The following ABCG2 variants were observed in gnomAD, a reference collection of about 807,000 sequenced individuals.
ABCG2 encodes the protein broad substrate specificity ATP-binding cassette transporter ABCG2.
Under a neutral mutation model 73.5 loss-of-function variants are expected in ABCG2, and 80 were observed. The observed-to-expected ratio is 1.09, with a 90% confidence interval of 0.91 to 1.31. The LOEUF (loss-of-function observed/expected upper bound fraction) is 1.31, where lower values mean the gene tolerates loss of function less well. Among genes scored for constraint, ABCG2 ranks in the 50% most tolerant of loss-of-function variants. The pLI, the probability that ABCG2 is intolerant of heterozygous loss-of-function variation, is 0.00. For missense variants in ABCG2, 796 were observed against 786.2 expected (o/e 1.01, Z -0.15); for synonymous variants, 269 against 282.4 (o/e 0.95, Z 0.48).
chr4:88,145,121 A>G (rs1433763737), intron 1 of ABCG2, among the ~76,000 whole-genome samples: 1 of 152,140 alleles, frequency 6.6e-6, no homozygotes. Context: ...TGACGCTAGT[A>G]TATGGAGTTG....
chr4:88,205,987 T>G (rs1357098660), intron 1 of ABCG2, among the ~76,000 whole-genome samples: 1 of 152,058 alleles, frequency 6.6e-6, no homozygotes, highest in East Asian at 1.9e-4. Context: ...AGCCACCATT[T>G]ATCATTTTAT....
chr4:88,129,915 T>G (rs1002846147), intron 5 of ABCG2, among the ~76,000 whole-genome samples: 1 of 152,148 alleles, frequency 6.6e-6, no homozygotes, highest in African/African-American at 2.4e-5. Flanking sequence ...TTTGTCTCTC[T>G]TGCCCACAAT....
At position 88,140,142 on chromosome 4, in the gene ABCG2, T is replaced by C. The variant is rs538371622; in HGVS notation, c.-19-128A>G. 2.2e-5 allele frequency: 17 copies of C among 760,884 alleles called. No individual in the cohort carries two copies. In the East Asian group the frequency reaches 3.2e-4, roughly 14 times the overall value. 47.1% of individuals were successfully genotyped at this position (760,884 alleles called of 1,614,324 possible). A position where few individuals can be genotyped will look rare whatever the true frequency, so the allele number is the denominator to read the frequency against. On this transcript the variant is annotated intron_variant, in intron 1 of 15. Transcript: ENST00000237612. ...AATGAGCAGCTTCATTTCCAATGAA[T>C]GGCCCATACCATTGTGATAAGAACA...
chr4:88,136,493 C>T (rs1269969052), intron 2 of ABCG2, among the ~76,000 whole-genome samples: 1 of 152,086 alleles, frequency 6.6e-6, no homozygotes, highest in Non-Finnish European at 1.5e-5. Flanking sequence ...AACACTTGAG[C>T]CCAGGAGTTT....
At chr4:88,174,761 T>G (rs141093520) in intron 1 of ABCG2, among the ~76,000 whole-genome samples, 6,128 of 152,334 alleles carry the variant, frequency 0.04, 217 homozygotes, top group South Asian at 0.1. Context: ...TTTTGGCTTT[T>G]GTTGCAATTG....
chr4:88,122,546 G>A (rs1334495848), intron 5 of ABCG2, among the ~76,000 whole-genome samples: 1 of 152,178 alleles, frequency 6.6e-6, no homozygotes, highest in African/African-American at 2.4e-5. Flanking sequence ...AAAGCCTCTG[G>A]GAAATTCGAA....
At chr4:88,140,930 A>T (rs914832836) in intron 1 of ABCG2, among the ~76,000 whole-genome samples, 1 of 152,230 alleles carries the variant, frequency 6.6e-6, no homozygotes, top group Non-Finnish European at 1.5e-5. Context: ...TTTAAAACAA[A>T]AAAGAATATT....
At chr4:88,214,125 C>T (rs183512765) in intron 1 of ABCG2, among the ~76,000 whole-genome samples, 7 of 150,514 alleles carry the variant, frequency 4.7e-5, no homozygotes, top group Admixed American at 2.7e-4. Flanking sequence ...GTAAGTGGGA[C>T]TACAGGCGCA....
Position 88,131,924 on chromosome 4 carries a change from G to C in ABCG2, c.264-7C>G. 1 of 1,605,686 alleles carries C rather than the reference G, an allele frequency of 6.2e-7. No homozygotes were observed. The highest frequency in any genetic ancestry group is 8.5e-7 in the Non-Finnish European group (1 of 1,172,666). The stretch of plus-strand genomic sequence containing the variant: ...AGCTAAGACATCTAATAACCTATAA[G>C]AGGACATATATGTTGTGGGTCTAAT... On this transcript the variant is annotated splice_region_variant and splice_polypyrimidine_tract_variant and intron_variant, in intron 3 of 15. Coordinates refer to ENST00000237612, the MANE Select transcript of ABCG2 (RefSeq NM_004827.3).
At chr4:88,173,168 G>T (rs753695640) in intron 1 of ABCG2, among the ~76,000 whole-genome samples, 3 of 152,072 alleles carry the variant, frequency 2.0e-5, no homozygotes, top group Non-Finnish European at 4.4e-5. Context: ...TGTTATTATG[G>T]AAATTTTGAA....
intron 1 of ABCG2, among the ~76,000 whole-genome samples, chr4:88,201,989 T>C (rs1729180056): frequency 6.6e-6 from 1 of 152,008 alleles, no homozygotes; most frequent in Admixed American, 6.6e-5. Context: ...TTAATTGGTA[T>C]GAGTGTGGCA....
At position 88,133,153 on chromosome 4, in the gene ABCG2, G is replaced by A. The variant is rs45514593; in HGVS notation, c.204-518C>T. On this transcript the variant is annotated intron_variant, in intron 2 of 15. Transcript: ENST00000237612. ...CACAGTGTGAAACGAAATACATGGC[G>A]TGTTCTGAGTACTGTTTGATGATCA... 1.6e-3 allele frequency among the ~76,000 whole-genome samples: 247 copies of A among 152,258 alleles called. 1 individual carries two copies. The highest frequency in any genetic ancestry group is 1.9e-3 in the Non-Finnish European group (131 of 68,030).
At chr4:88,206,187 G>A (rs13149967) in intron 1 of ABCG2, among the ~76,000 whole-genome samples, 19,088 of 152,080 alleles carry the variant, frequency 0.13, 1,565 homozygotes, top group Middle Eastern at 0.31. Flanking sequence ...GGCCAGGCGC[G>A]GTGTCCTGTA....
chr4:88,164,544 T>C (rs927106878), intron 1 of ABCG2, among the ~76,000 whole-genome samples: 1 of 152,166 alleles, frequency 6.6e-6, no homozygotes, highest in Non-Finnish European at 1.5e-5. Flanking sequence ...CCTGCCGCCA[T>C]GTGAAGAAGG....
intron 10 of ABCG2, among the ~76,000 whole-genome samples, chr4:88,104,044 A>T (rs1458089755): frequency 6.6e-6 from 1 of 152,238 alleles, no homozygotes; most frequent in Non-Finnish European, 1.5e-5. Context: ...CTGATTTCAC[A>T]TCTTTGGGGT....
At position 88,131,078 on chromosome 4, in the gene ABCG2, T is replaced by G; in HGVS notation, c.514A>C (p.Lys172Gln). The G allele has an allele frequency of 6.2e-7, 1 of 1,614,036 alleles. No individual in the cohort carries two copies. The highest frequency in any genetic ancestry group is 8.5e-7 in the Non-Finnish European group (1 of 1,179,974). The change falls in exon 5 of 16, where the codon AAA becomes CAA. Residue 172 changes from lysine to glutamine, a missense_variant. Coordinates refer to ENST00000237612, the MANE Select transcript of ABCG2 (RefSeq NM_004827.3). The stretch of plus-strand genomic sequence containing the variant: ...CACATTACCTTGGAGTCTGCCACTT[T>G]ATCCAGACCTAACTCTTGAATGACC... ...NRVIQELGLD[K>Q]VADSKVGTQF...
In ABCG2 at chr4:88,113,669, AAAG is replaced by A. The variant is rs1723306242; in HGVS notation, c.944-119_944-117del. On this transcript the variant is annotated intron_variant, in intron 8 of 15. Coordinates refer to ENST00000237612, the MANE Select transcript of ABCG2 (RefSeq NM_004827.3). ...TAACACCTTCATTCTAAAGCTTTAG[AAAG>A]AAAAAATAGGCCAGGCACGGCGGCT... The A allele has an allele frequency of 2.2e-6, 3 of 1,385,918 alleles. No homozygotes were observed. In the South Asian group the frequency reaches 4.3e-5, roughly 20 times the overall value. The allele number at this position is 1,385,918 out of a possible 1,614,324, so 85.9% of individuals were successfully genotyped here.
intron 1 of ABCG2, among the ~76,000 whole-genome samples, chr4:88,226,128 T>C (rs1730202690): frequency 6.6e-6 from 1 of 152,226 alleles, no homozygotes; most frequent in African/African-American, 2.4e-5. Flanking sequence ...TCTGGGACTA[T>C]TGCAACAGTC....
chr4:88,205,903 G>A (rs1051008160), intron 1 of ABCG2, among the ~76,000 whole-genome samples: 3 of 152,064 alleles, frequency 2.0e-5, no homozygotes, highest in South Asian at 2.1e-4. Flanking sequence ...GGATGGTCTC[G>A]ATCTCTTGAC....
Sources: gnomAD v4.1 joint callset for allele counts (sites outside exome capture counted in the v4.1 genomes callset) on GRCh38, gnomAD v4.1.1 for gene constraint, MANE v1.5 for transcripts, NCBI Gene and HGNC (gene_info 2026-07-23, HGNC 2026-07-21) for gene names.